RANBP17: variants seen among roughly 807,000 people sequenced by gnomAD.
RANBP17 encodes the protein RAN binding protein 17.
Under a neutral mutation model 141.2 loss-of-function variants are expected in RANBP17, and 158 were observed. That is an observed-to-expected ratio of 1.12 (90% CI 0.98 to 1.28). RANBP17 has a LOEUF of 1.28. RANBP17 is among the 50% of genes most tolerant of loss of function. The pLI, the probability that RANBP17 is intolerant of heterozygous loss-of-function variation, is 0.00. For missense variants in RANBP17, 1,438 were observed against 1,290.7 expected, an observed-to-expected ratio of 1.11 and a Z score of -1.75; for synonymous variants, 430 against 450.0, an observed-to-expected ratio of 0.96 and a Z score of 0.56.
At position 170,993,293 on chromosome 5, in the gene RANBP17, CTT is replaced by C. The variant is rs918765184; in HGVS notation, c.1710+24919_1710+24920del. Reference sequence around the variant, plus strand: ...ATTGTTTTAAATTTTCTCCTAATGACTTTTCAGAAAACTGCAATCAGACCAAT... The same window carrying C: ...ATTGTTTTAAATTTTCTCCTAATGACTTCAGAAAACTGCAATCAGACCAAT... On this transcript the variant is annotated intron_variant, in intron 14 of 27. Coordinates refer to ENST00000523189, the MANE Select transcript of RANBP17 (RefSeq NM_022897.5). Among the ~76,000 whole-genome samples the C allele has an allele frequency of 2.6e-5, 4 of 152,142 alleles. No individual in the cohort carries two copies. In the East Asian group the frequency reaches 5.8e-4, roughly 22 times the overall value.
chr5:171,146,618 A>C (rs992527053), intron 14 of RANBP17, among the ~76,000 whole-genome samples: 3 of 152,214 alleles, frequency 2.0e-5, no homozygotes, highest in African/African-American at 7.2e-5. Context: ...TCATATTCAC[A>C]AAGAAGTTCT....
chr5:170,907,208 G>T (rs1009947897), intron 5 of RANBP17, among the ~76,000 whole-genome samples: 2 of 151,846 alleles, frequency 1.3e-5, no homozygotes, highest in Admixed American at 1.3e-4. Flanking sequence ...TAGAGTTTCT[G>T]TTCCTGGAGT....
chr5:171,070,061 G>A (rs1784546238), intron 14 of RANBP17, among the ~76,000 whole-genome samples: 1 of 152,038 alleles, frequency 6.6e-6, no homozygotes, highest in African/African-American at 2.4e-5. Flanking sequence ...TGGCCTTAAA[G>A]GCTAAGCATG....
At chr5:170,893,390 C>T (rs1769816862) in intron 4 of RANBP17, among the ~76,000 whole-genome samples, 1 of 152,146 alleles carries the variant, frequency 6.6e-6, no homozygotes, top group Non-Finnish European at 1.5e-5. Context: ...GGATGACTGT[C>T]ATGCCTTGCT....
At chr5:171,143,890 A>C (rs1757868872) in intron 14 of RANBP17, among the ~76,000 whole-genome samples, 1 of 152,208 alleles carries the variant, frequency 6.6e-6, no homozygotes, top group African/African-American at 2.4e-5. Context: ...CAGTAGACAG[A>C]AAGCCATGCG....
chr5:171,112,672 A>G (rs1253309308), intron 14 of RANBP17, among the ~76,000 whole-genome samples: 2 of 151,980 alleles, frequency 1.3e-5, no homozygotes, highest in Non-Finnish European at 2.9e-5. Flanking sequence ...TTATAACCAA[A>G]TAGTATTGTC....
chr5:171,092,489 T>C (rs138016559), intron 14 of RANBP17, among the ~76,000 whole-genome samples: 88 of 152,336 alleles, frequency 5.8e-4, no homozygotes, highest in African/African-American at 2.0e-3. Flanking sequence ...GAGGATCTAC[T>C]GAAACTTCTC....
At chr5:170,984,491 G>C (rs1297127858) in intron 14 of RANBP17, among the ~76,000 whole-genome samples, 2 of 151,986 alleles carry the variant, frequency 1.3e-5, no homozygotes, top group African/African-American at 2.4e-5. Flanking sequence ...GCTGGGCATG[G>C]TGACACACGG....
chr5:171,278,895 C>T (rs776287209), intron 25 of RANBP17, among the ~76,000 whole-genome samples: 5 of 152,160 alleles, frequency 3.3e-5, no homozygotes, highest in Admixed American at 6.5e-5. Flanking sequence ...TCGATAAACA[C>T]GTAAAATTCG....
At chr5:171,143,096 G>A (rs1175970743) in intron 14 of RANBP17, among the ~76,000 whole-genome samples, 2 of 152,160 alleles carry the variant, frequency 1.3e-5, no homozygotes, top group African/African-American at 2.4e-5. Context: ...GGGATAAACA[G>A]CTCCATGATC....
rs1771996864 is a variant in RANBP17 at position 170,916,639 on chromosome 5, A to T, written c.954+55A>T. The T allele has an allele frequency of 1.0e-5, 12 of 1,197,538 alleles. No homozygotes were observed. In the Middle Eastern group the frequency reaches 2.5e-3, roughly 248 times the overall value. The allele number at this position is 1,197,538 out of a possible 1,614,324, so 74.2% of individuals were successfully genotyped here. On this transcript the variant is annotated intron_variant, in intron 9 of 27. Transcript: ENST00000523189. Reference sequence around the variant, plus strand: ...TATAGAGATACAGTTTTTCAGCTAAAGGCACATAATAAACTCATCATGAAT... The same window carrying T: ...TATAGAGATACAGTTTTTCAGCTAATGGCACATAATAAACTCATCATGAAT...
intron 14 of RANBP17, chr5:171,158,548 T>C (rs755986041): frequency 3.9e-5 from 7 of 177,254 alleles, no homozygotes; most frequent in Admixed American, 6.3e-5. Context: ...ATAGAAAATT[T>C]TGAAATGTGC....
chr5:171,092,743 A>T (rs1349253871), intron 14 of RANBP17, among the ~76,000 whole-genome samples: 1 of 152,210 alleles, frequency 6.6e-6, no homozygotes, highest in Non-Finnish European at 1.5e-5. Context: ...TCCAGCTTCT[A>T]ATAAAATCTA....
intron 27 of RANBP17, among the ~76,000 whole-genome samples, chr5:171,297,778 C>T (rs887349572): frequency 6.0e-5 from 9 of 150,218 alleles, no homozygotes; most frequent in African/African-American, 1.7e-4. Flanking sequence ...GACTTTTTTC[C>T]GTGTACCAGG....
At position 171,129,141 on chromosome 5, in the gene RANBP17, C is replaced by G. The variant is rs985405559; in HGVS notation, c.1711-40989C>G. 9.2e-5 allele frequency among the ~76,000 whole-genome samples: 14 copies of G among 152,250 alleles called. No individual in the cohort carries two copies. In the East Asian group the frequency reaches 1.4e-3, roughly 15 times the overall value. On this transcript the variant is annotated intron_variant, in intron 14 of 27. Coordinates refer to ENST00000523189, the MANE Select transcript of RANBP17 (RefSeq NM_022897.5). ...TCTTAAAGGTTTTTAAAATCCTTAACCTCAACGTTGAAAGGGAAAGAGGGA... is the reference window on the plus strand; with the variant it reads ...TCTTAAAGGTTTTTAAAATCCTTAAGCTCAACGTTGAAAGGGAAAGAGGGA...
intron 16 of RANBP17, among the ~76,000 whole-genome samples, chr5:171,176,052 T>C (rs1760462607): frequency 6.6e-6 from 1 of 152,118 alleles, no homozygotes; most frequent in African/African-American, 2.4e-5. Flanking sequence ...TGGAGCTGGC[T>C]CTGGTTTGGT....
At chr5:170,993,934 CTA>C (rs1313870597) in intron 14 of RANBP17, among the ~76,000 whole-genome samples, 1 of 151,982 alleles carries the variant, frequency 6.6e-6, no homozygotes, top group African/African-American at 2.4e-5. Context: ...AAAAGCCAGT[CTA>C]TTGTATCTCT....
At chr5:170,863,242 T>C (rs1441493781) in intron 1 of RANBP17, among the ~76,000 whole-genome samples, 1 of 152,040 alleles carries the variant, frequency 6.6e-6, no homozygotes. Context: ...CTGCAGAAAG[T>C]TGAGTCTGGT....
At chr5:171,204,992 G>T (rs1762490761) in intron 19 of RANBP17, among the ~76,000 whole-genome samples, 1 of 152,154 alleles carries the variant, frequency 6.6e-6, no homozygotes, top group Non-Finnish European at 1.5e-5. Context: ...TTCCTCACTT[G>T]GGGAATGTGA....
Sources: gnomAD v4.1 joint callset for allele counts (sites outside exome capture counted in the v4.1 genomes callset) on GRCh38, gnomAD v4.1.1 for gene constraint, MANE v1.5 for transcripts, NCBI Gene and HGNC (gene_info 2026-07-23, HGNC 2026-07-21) for gene names.